Variants in CELF2 observed in about 807,000 individuals in gnomAD.
CELF2 encodes CUG triplet repeat RNA-binding protein 2.
A neutral mutation model predicts 62.6 loss-of-function variants in CELF2; 8 were observed. The observed-to-expected ratio is 0.13, with a 90% CI of 0.07 to 0.23. The LOEUF is 0.23. Among genes scored for constraint, CELF2 ranks in the 10% least tolerant of loss-of-function variants. The pLI, the probability that CELF2 is intolerant of heterozygous loss-of-function variation, is 1.00. For missense variants in CELF2, 333 were observed against 671.0 expected (o/e 0.50, Z 5.56); for synonymous variants, 258 against 250.0 (o/e 1.03, Z -0.30).
intron 2 of CELF2, among the ~76,000 whole-genome samples, chr10:11,176,702 T>G (rs927548417): frequency 2.6e-5 from 4 of 152,230 alleles, no homozygotes; most frequent in African/African-American, 9.6e-5. Context: ...ATGCAGATGC[T>G]TTCAGATGTT....
intron 1 of CELF2, among the ~76,000 whole-genome samples, chr10:10,910,699 C>CAAAAAAAAAAAAAAAAAAAAAAAAAAAA (rs55954207): frequency 1.1e-5 from 1 of 92,244 alleles, no homozygotes; most frequent in Non-Finnish European, 2.1e-5. Flanking sequence ...GACTCTGCCT[C>CAAAAAAAAAAAAAAAAAAAAAAAAAAAA]AAAAAAAAAA....
chr10:11,072,778 C>A (rs1300109898), intron 1 of CELF2, among the ~76,000 whole-genome samples: 1 of 151,898 alleles, frequency 6.6e-6, no homozygotes, highest in Admixed American at 6.6e-5. Context: ...TGTGGAATAT[C>A]CATTTGATTG....
At chr10:11,225,698 C>T (rs956945993) in intron 3 of CELF2, among the ~76,000 whole-genome samples, 2 of 152,090 alleles carry the variant, frequency 1.3e-5, no homozygotes, top group Admixed American at 1.3e-4. Flanking sequence ...AGTTTATTTC[C>T]TTGTGTACAG....
chr10:11,208,917 C>T (rs117435922), intron 2 of CELF2, among the ~76,000 whole-genome samples: 2 of 152,186 alleles, frequency 1.3e-5, no homozygotes, highest in Non-Finnish European at 2.9e-5. Context: ...TGTGATTCCA[C>T]AGGAAAGGCA....
chr10:11,085,092 C>T (rs1485856892), intron 1 of CELF2, among the ~76,000 whole-genome samples: 2 of 152,106 alleles, frequency 1.3e-5, no homozygotes, highest in Non-Finnish European at 2.9e-5. Flanking sequence ...CTTTCATTTA[C>T]GTAAAATATT....
chr10:10,972,680 C>T lies in CELF2; in HGVS notation c.89+52681C>T, dbSNP rs1040466559. Among the ~76,000 whole-genome samples, 1 of 152,196 alleles carries T rather than the reference C, an allele frequency of 6.6e-6. No individual in the cohort carries two copies. ...AGGTGCACATATCCAGTTTTCTCCT[C>T]TGCCTCCTCACCTGGCTGCTCCTGG... On this transcript the variant is annotated intron_variant, in intron 2 of 13. Coordinates refer to the CELF2 transcript ENST00000636488. This position sits in a 1 kb window ranked among gnomAD's most constrained non-coding sequence, Gnocchi z 4.4.
At chr10:10,506,302 ATCTGTG>A in the CELF2 span, among the ~76,000 whole-genome samples, 21 of 93,510 alleles carry the variant, frequency 2.2e-4, no homozygotes, top group Non-Finnish European at 3.9e-4. Flanking sequence ...GTGTGTGTGT[ATCTGTG>A]TCTGTGTCTA....
chr10:10,548,199 G>T, the CELF2 span, among the ~76,000 whole-genome samples: 119 of 152,300 alleles, frequency 7.8e-4, no homozygotes, highest in African/African-American at 2.8e-3. Context: ...AATCAAGGGG[G>T]TGCACCAGGG....
rs949266555 is a variant in CELF2 at position 11,296,823 on chromosome 10, G to T, written c.976+8271G>T. Among the ~76,000 whole-genome samples the T allele has an allele frequency of 6.6e-6, 1 of 152,220 alleles. No homozygotes were observed. The highest frequency in any genetic ancestry group is 6.5e-5 in the Admixed American group (1 of 15,286). ...TGACATTTGAGCCAAAATGTTCAGGGTGGGTAGGATGTTTAAAAGTAGAAG... is the reference window on the plus strand; with the variant it reads ...TGACATTTGAGCCAAAATGTTCAGGTTGGGTAGGATGTTTAAAAGTAGAAG... On this transcript the variant is annotated intron_variant, in intron 9 of 12. Transcript: ENST00000633077. This position sits in a 1 kb window ranked among gnomAD's most constrained non-coding sequence, Gnocchi z 5.0.
At chr10:10,662,619 G>A in the CELF2 span, among the ~76,000 whole-genome samples, 10 of 152,270 alleles carry the variant, frequency 6.6e-5, no homozygotes, top group East Asian at 1.9e-3. Flanking sequence ...TGTAGTAAAA[G>A]TGACCCCCTT....
rs2062188198 is a variant in CELF2, at chr10:11,145,946, G to T, written c.75-19540G>T. On this transcript the variant is annotated intron_variant, in intron 1 of 12. Transcript: ENST00000633077. This position sits in a 1 kb window ranked among gnomAD's most constrained non-coding sequence, Gnocchi z 4.3. ...TTTCTAACTACTACTTAAAATCCAA[G>T]AACATTGTGAGAATACCTACCTGTA... 6.6e-6 allele frequency among the ~76,000 whole-genome samples: 1 copy of T among 152,152 alleles called. No individual in the cohort carries two copies.
chr10:10,516,088 T>C, the CELF2 span, among the ~76,000 whole-genome samples: 4 of 152,286 alleles, frequency 2.6e-5, no homozygotes, highest in Non-Finnish European at 5.9e-5. Context: ...ATTTGGTGAC[T>C]GGCGTTTGCT....
intron 1 of CELF2, among the ~76,000 whole-genome samples, chr10:11,144,207 G>T (rs1358025864): frequency 6.6e-6 from 1 of 152,134 alleles, no homozygotes; most frequent in Non-Finnish European, 1.5e-5. Flanking sequence ...GCTAATGCGT[G>T]GCAAGGTCAG....
At chr10:11,124,262 G>C (rs1010736250) in intron 1 of CELF2, among the ~76,000 whole-genome samples, 1 of 152,148 alleles carries the variant, frequency 6.6e-6, no homozygotes, top group Non-Finnish European at 1.5e-5. Context: ...TGAAAGATTA[G>C]AGATGTGTGT....
the CELF2 span, among the ~76,000 whole-genome samples, chr10:10,748,931 G>A: frequency 1.6e-4 from 25 of 152,072 alleles, no homozygotes; most frequent in African/African-American, 5.1e-4. Flanking sequence ...AGGGTTTGCT[G>A]TGTTTGGTGA....
rs117275695 is a variant in CELF2 at position 11,159,082 on chromosome 10, C to T, written c.75-6404C>T. Among the ~76,000 whole-genome samples the T allele has an allele frequency of 6.6e-3, 1,009 of 152,228 alleles. 6 individuals are homozygous for T. The highest frequency in any genetic ancestry group is 0.01 in the Non-Finnish European group (709 of 68,002). ...TAGGGTATTTGCTCTGGTCAATTTT[C>T]CATGTGGATTCACTAGCTGATGTGT... On this transcript the variant is annotated intron_variant, in intron 1 of 12. Coordinates refer to ENST00000633077, the MANE Select transcript of CELF2 (RefSeq NM_001326342.2). The surrounding 1 kb of genome is among the most constrained non-coding windows in gnomAD (Gnocchi z 5.0).
At position 11,316,697 on chromosome 10, in the gene CELF2, C is replaced by T. The variant is rs534147535; in HGVS notation, c.1096+2439C>T. The T allele has an allele frequency of 6.6e-5, 10 of 152,204 alleles. No individual in the cohort carries two copies. The highest frequency in any genetic ancestry group is 6.3e-4 in the South Asian group (3 of 4,798). The allele number at this position is 152,204 out of a possible 1,614,324, so 9.4% of individuals were successfully genotyped here. On this transcript the variant is annotated intron_variant, in intron 10 of 12. Coordinates refer to ENST00000633077, the MANE Select transcript of CELF2 (RefSeq NM_001326342.2). The surrounding 1 kb of genome is among the most constrained non-coding windows in gnomAD (Gnocchi z 4.4). ...CTGAATAGAGCCAACTCTTACCCACCGACACAGCGGTCAGCAAGAAAGCAG... is the reference window on the plus strand; with the variant it reads ...CTGAATAGAGCCAACTCTTACCCACTGACACAGCGGTCAGCAAGAAAGCAG...
the CELF2 span, among the ~76,000 whole-genome samples, chr10:10,560,190 C>G: frequency 6.6e-6 from 1 of 152,170 alleles, no homozygotes; most frequent in Non-Finnish European, 1.5e-5. Context: ...GAGAACTTGA[C>G]TCTGAATTCA....
intron 2 of CELF2, among the ~76,000 whole-genome samples, chr10:11,194,537 G>T (rs1163931692): frequency 6.6e-6 from 1 of 152,128 alleles, no homozygotes; most frequent in Non-Finnish European, 1.5e-5. Flanking sequence ...TGAACATTCA[G>T]GGTCCACACA....
Sources: allele counts gnomAD v4.1 joint callset (sites outside exome capture counted in the v4.1 genomes callset), GRCh38; gene constraint gnomAD v4.1.1; non-coding constraint Gnocchi (gnomAD v3.1); transcripts MANE v1.5; gene names NCBI Gene and HGNC (gene_info 2026-07-23, HGNC 2026-07-21).